NMNAT1: variants seen among roughly 807,000 people sequenced by gnomAD.
NMNAT1 encodes the protein nicotinamide/nicotinic acid mononucleotide adenylyltransferase 1.
NMNAT1 carries 11 observed loss-of-function variants against 16.7 expected under a neutral mutation model. The observed-to-expected ratio is 0.66, with a 90% CI of 0.41 to 1.09. The LOEUF (loss-of-function observed/expected upper bound fraction) is 1.09. Among genes scored for constraint, NMNAT1 ranks in the 50% least tolerant of loss-of-function variants. NMNAT1 has a pLI of 0.00. For missense variants in NMNAT1, 280 were observed against 332.3 expected (o/e 0.84, Z 1.22); for synonymous variants, 110 against 119.8 (o/e 0.92, Z 0.53).
intron 3 of NMNAT1, among the ~76,000 whole-genome samples, 154 bp from the exon 4 acceptor site, chr1:9,980,877 C>T (rs992937345): frequency 3.3e-5 from 5 of 151,688 alleles, no homozygotes; most frequent in African/African-American, 9.7e-5. Flanking sequence ...AGGATGGTCT[C>T]GATCTTCTGA....
downstream of NMNAT1, among the ~76,000 whole-genome samples, chr1:9,988,703 C>CAAAA (rs747744372): frequency 3.0e-5 from 2 of 67,304 alleles, no homozygotes; most frequent in Admixed American, 2.3e-4. Flanking sequence ...GACTCCATCT[C>CAAAA]AAAAAAAAAA....
intron 3 of NMNAT1, among the ~76,000 whole-genome samples, chr1:9,979,187 G>A (rs1641878798): frequency 6.6e-6 from 1 of 152,142 alleles, no homozygotes; most frequent in Non-Finnish European, 1.5e-5. Flanking sequence ...AAATGTTCAG[G>A]CTGATCATGG....
At chr1:9,965,486 C>A (rs541182911) in intron 1 of NMNAT1, among the ~76,000 whole-genome samples, 73 of 151,752 alleles carry the variant, frequency 4.8e-4, no homozygotes, top group African/African-American at 1.6e-3. Context: ...TCACTGCAAC[C>A]CCTGCCTGCC....
intron 2 of NMNAT1, among the ~76,000 whole-genome samples, chr1:9,973,646 T>C (rs928805701): frequency 7.5e-6 from 1 of 133,456 alleles, no homozygotes; most frequent in African/African-American, 2.9e-5. Context: ...AGGCGGAGCT[T>C]GCAGTGAGCC....
At chr1:9,987,336 A>T (rs190512877), downstream of NMNAT1, among the ~76,000 whole-genome samples, 117 of 152,144 alleles carry the variant, frequency 7.7e-4, no homozygotes, top group African/African-American at 2.3e-3. Context: ...GTCTACAAAA[A>T]TTTTTTTAAA....
the NMNAT1 span, among the ~76,000 whole-genome samples, chr1:9,992,710 G>C: frequency 6.6e-6 from 1 of 151,978 alleles, no homozygotes; most frequent in Non-Finnish European, 1.5e-5. Context: ...AGGAGATCGA[G>C]ACCTTCCTGG....
intron 1 of NMNAT1, among the ~76,000 whole-genome samples, chr1:9,957,538 G>T (rs1449190436): frequency 7.4e-6 from 1 of 135,858 alleles, no homozygotes; most frequent in South Asian, 2.4e-4. Flanking sequence ...CGTGATCCAC[G>T]CCTCGGCTTC....
downstream of NMNAT1, among the ~76,000 whole-genome samples, chr1:9,986,228 C>T (rs1642043772): frequency 6.6e-6 from 1 of 152,152 alleles, no homozygotes; most frequent in Non-Finnish European, 1.5e-5. Flanking sequence ...AAATAGCAAA[C>T]ACACAAAATT....
At chr1:9,964,584 G>A (rs529583949) in intron 1 of NMNAT1, among the ~76,000 whole-genome samples, 3 of 151,892 alleles carry the variant, frequency 2.0e-5, no homozygotes, top group Non-Finnish European at 4.4e-5. Context: ...TTTTGTTTTT[G>A]TAAACCAAAA....
chr1:9,955,403 CAAAAAA>C (rs71583829), intron 1 of NMNAT1, among the ~76,000 whole-genome samples: 2 of 90,812 alleles, frequency 2.2e-5, no homozygotes, highest in East Asian at 6.2e-4. Context: ...GACTTTGTCT[CAAAAAA>C]AAAAAAAAAA....
chr1:9,985,989 AT>A (rs1050585987), downstream of NMNAT1, among the ~76,000 whole-genome samples: 4 of 152,104 alleles, frequency 2.6e-5, no homozygotes, highest in African/African-American at 9.7e-5. Context: ...GCCTGGTCCC[AT>A]TATTCTCTGT....
chr1:9,989,205 C>T (rs1642081348), downstream of NMNAT1, among the ~76,000 whole-genome samples: 1 of 152,116 alleles, frequency 6.6e-6, no homozygotes, highest in Non-Finnish European at 1.5e-5. Context: ...AGCCTGTAAC[C>T]CTAGCACTTT....
At chr1:9,968,323 T>C (rs1332659475) in intron 1 of NMNAT1, among the ~76,000 whole-genome samples, 3 of 151,388 alleles carry the variant, frequency 2.0e-5, no homozygotes, top group African/African-American at 4.8e-5. Flanking sequence ...CTGCCCATCT[T>C]GGCCTCCCAA....
chr1:9,972,373 G>A (rs1641709216), intron 2 of NMNAT1, 185 bp downstream of exon 2: 1 of 468,816 alleles, frequency 2.1e-6, no homozygotes, highest in Non-Finnish European at 3.9e-6. Context: ...CACTGTGCCT[G>A]TAGTCCTAGC....
At chr1:9,949,745 C>G (rs1020617949) in intron 1 of NMNAT1, 1 of 151,934 alleles carries the variant, frequency 6.6e-6, no homozygotes, top group Non-Finnish European at 1.5e-5. Flanking sequence ...CATGAGCCAC[C>G]GTGTCCGGCC....
At chr1:9,968,080 G>GTTTTTTTTTTTTTT (rs6143117) in intron 1 of NMNAT1, among the ~76,000 whole-genome samples, 74 of 117,796 alleles carry the variant, frequency 6.3e-4, no homozygotes, top group East Asian at 1.1e-3. Context: ...TTTTTTTTTT[G>GTTTTTTTTTTTTTT]TTTTTTTTTG....
intron 1 of NMNAT1, among the ~76,000 whole-genome samples, chr1:9,950,978 A>C (rs1049674726): frequency 5.9e-5 from 9 of 152,140 alleles, no homozygotes; most frequent in Middle Eastern, 6.8e-3. Context: ...AATTCCAGCT[A>C]CTGGGGAGGC....
chr1:9,976,868 C>A (rs1490018076), intron 3 of NMNAT1, among the ~76,000 whole-genome samples: 1 of 150,942 alleles, frequency 6.6e-6, no homozygotes. Flanking sequence ...CTCAGGTGAT[C>A]CACCTGTCTC....
At chr1:9,977,659 T>C (rs1641845175) in intron 3 of NMNAT1, among the ~76,000 whole-genome samples, 1 of 151,010 alleles carries the variant, frequency 6.6e-6, no homozygotes, top group Non-Finnish European at 1.5e-5. Flanking sequence ...CTGAGTCCAG[T>C]AGTTCAAGAC....
Sources: gnomAD v4.1 joint callset for allele counts (sites outside exome capture counted in the v4.1 genomes callset) on GRCh38, gnomAD v4.1.1 for gene constraint, MANE v1.5 for transcripts, NCBI Gene and HGNC (gene_info 2026-07-23, HGNC 2026-07-21) for gene names.